ACSL1: variants seen among roughly 807,000 people sequenced by gnomAD.
ACSL1 encodes the protein long-chain-fatty-acid--CoA ligase 1.
Under a neutral mutation model 98.4 loss-of-function variants are expected in ACSL1, and 41 were observed. The observed-to-expected ratio is 0.42, with a 90% CI of 0.32 to 0.54. The LOEUF is 0.54. Among genes scored for constraint, ACSL1 ranks in the 20% least tolerant of loss-of-function variants. The probability of loss-of-function intolerance (pLI) is 0.13; values close to 1 mark genes in which losing one functional copy is unlikely to be tolerated. For synonymous variants in ACSL1, 316 were observed against 322.7 expected (o/e 0.98, Z 0.22); for missense variants, 734 against 883.1 (o/e 0.83, Z 2.14).
chr4:184,796,119 T>C (rs1007763621), intron 2 of ACSL1, among the ~76,000 whole-genome samples: 4 of 152,334 alleles, frequency 2.6e-5, no homozygotes, highest in South Asian at 4.1e-4. Context: ...GCTGCCAGCA[T>C]GGCCAAAATT....
chr4:184,757,043 T>C lies in ACSL1; in HGVS notation c.*82A>G, dbSNP rs1579819855. 1 of 1,458,302 alleles carries C rather than the reference T, an allele frequency of 6.9e-7. No individual in the cohort carries two copies. 90.3% of individuals were successfully genotyped at this position (1,458,302 alleles called of 1,614,324 possible). ...CGCTTCCTTCCCTACACTTGCTGTA[T>C]TCAAAATTAACAACATGAAGGCCAT... On this transcript the variant is annotated 3_prime_UTR_variant, in exon 21 of 21. Transcript: ENST00000281455. The surrounding 1 kb of genome is among the most constrained non-coding windows in gnomAD (Gnocchi z 4.5).
intron 12 of ACSL1, among the ~76,000 whole-genome samples, chr4:184,767,807 A>G (rs1286527731): frequency 6.6e-6 from 1 of 152,234 alleles, no homozygotes; most frequent in African/African-American, 2.4e-5. Flanking sequence ...CGGTCCACGC[A>G]ATGATACCCA....
At chr4:184,795,568 ACT>A (rs1769213555) in intron 2 of ACSL1, among the ~76,000 whole-genome samples, 1 of 151,858 alleles carries the variant, frequency 6.6e-6, no homozygotes, top group South Asian at 2.1e-4. Flanking sequence ...GGCACTTAAT[ACT>A]CCTGTGGCCT....
chr4:184,765,109 C>T (rs1351660059), intron 14 of ACSL1, among the ~76,000 whole-genome samples, 184 bp from the exon 15 acceptor site: 1 of 152,178 alleles, frequency 6.6e-6, no homozygotes, highest in African/African-American at 2.4e-5. Context: ...CCAGCCGTCA[C>T]CCAGGTACAC....
chr4:184,757,837 C>A lies in ACSL1; in HGVS notation c.1866G>T (p.Glu622Asp), dbSNP rs754655474. 10 of 1,614,052 alleles carry A rather than the reference C, an allele frequency of 6.2e-6. No individual in the cohort carries two copies. Among genetic ancestry groups the A allele is most frequent in the Admixed American group, 3.3e-5 (2 of 60,006 alleles). ...AQKRGFEGSF[E>D]ELCRNKDVKK... is the part of the protein sequence containing the mutation. ...ACCTTACCTTATTTCTGCACAGTTC[C>A]TCAAACGACCCTTCAAATCCTCTCT... Residue 622 changes from glutamate (E) to aspartate (D), a missense_variant, in exon 19 of 21, where the codon GAG (glutamate) becomes GAT (aspartate). Glu to Asp is a conservative substitution (Grantham distance 45). Transcript: ENST00000281455. This position sits in a 1 kb window ranked among gnomAD's most constrained non-coding sequence, Gnocchi z 4.5.
chr4:184,817,310 A>G (rs1029836206), intron 1 of ACSL1, among the ~76,000 whole-genome samples: 10 of 152,194 alleles, frequency 6.6e-5, no homozygotes, highest in African/African-American at 1.4e-4. Flanking sequence ...AAATAAATGC[A>G]CCCCTCACAT....
intron 1 of ACSL1, among the ~76,000 whole-genome samples, chr4:184,818,981 C>G (rs2150498336): frequency 6.6e-6 from 1 of 152,142 alleles, no homozygotes; most frequent in South Asian, 2.1e-4. Context: ...ATTTTAACCA[C>G]TAGCATGATC....
At chr4:184,769,369 A>T (rs1764149148) in intron 11 of ACSL1, among the ~76,000 whole-genome samples, 1 of 152,206 alleles carries the variant, frequency 6.6e-6, no homozygotes, top group Non-Finnish European at 1.5e-5. Flanking sequence ...TTTAAAATTT[A>T]AAAAGAAAAG....
At chr4:184,785,695 T>C (rs1420664876) in intron 3 of ACSL1, among the ~76,000 whole-genome samples, 2 of 150,226 alleles carry the variant, frequency 1.3e-5, no homozygotes, top group African/African-American at 2.4e-5. Context: ...CATACTTTCC[T>C]TCACCTTCTC....
chr4:184,820,696 C>G (rs1773000867), intron 1 of ACSL1, among the ~76,000 whole-genome samples: 1 of 152,152 alleles, frequency 6.6e-6, no homozygotes, highest in Non-Finnish European at 1.5e-5. Flanking sequence ...CCTCCGCCTC[C>G]TGGGTTCATG....
intron 3 of ACSL1, among the ~76,000 whole-genome samples, chr4:184,784,903 C>T (rs922379086): frequency 6.6e-6 from 1 of 152,234 alleles, no homozygotes; most frequent in Admixed American, 6.5e-5. Flanking sequence ...GACCCTCTCC[C>T]ATTTACAGAG....
intron 18 of ACSL1, among the ~76,000 whole-genome samples, chr4:184,760,087 C>T (rs981267405): frequency 1.3e-5 from 2 of 152,262 alleles, no homozygotes; most frequent in Non-Finnish European, 2.9e-5. Flanking sequence ...ATTACCCATG[C>T]CCCTGTCCCC....
chr4:184,764,029 G>A (rs1206076291), intron 15 of ACSL1, among the ~76,000 whole-genome samples: 1 of 152,212 alleles, frequency 6.6e-6, no homozygotes, highest in South Asian at 2.1e-4. Flanking sequence ...TTAGTGGACA[G>A]TGCTAGGTTC....
intron 1 of ACSL1, among the ~76,000 whole-genome samples, chr4:184,824,516 G>T (rs1316803405): frequency 6.6e-6 from 1 of 152,164 alleles, no homozygotes; most frequent in Non-Finnish European, 1.5e-5. Flanking sequence ...TATAAGGTGT[G>T]CGGCTAACAA....
chr4:184,795,858 C>T (rs972961520), intron 2 of ACSL1, among the ~76,000 whole-genome samples: 2 of 152,220 alleles, frequency 1.3e-5, no homozygotes, highest in Admixed American at 1.3e-4. Flanking sequence ...GAAGTTACCT[C>T]AAGGCATGAA....
chr4:184,765,819 G>T, intron 14 of ACSL1, 72 bp downstream of exon 14: 1 of 1,319,672 alleles, frequency 7.6e-7, no homozygotes, highest in Non-Finnish European at 1.1e-6. Flanking sequence ...ACACAGTACA[G>T]ATGACTTTTG....
At chr4:184,800,527 C>T (rs1013736089) in intron 2 of ACSL1, among the ~76,000 whole-genome samples, 2 of 152,218 alleles carry the variant, frequency 1.3e-5, no homozygotes, top group Non-Finnish European at 2.9e-5. Flanking sequence ...AGAAATCTTG[C>T]ATTATCTGTG....
Position 184,776,604 on chromosome 4 carries a change from A to T in ACSL1, c.636T>A (p.Gly212=). ...GGCCTGGTATTAACTTATTTTCTAC[A>T]CCCTCTAATAAGAGTTTGGCCTTCT... is the stretch of plus-strand genomic sequence containing the variant. The part of the protein sequence containing the change: ...KPEKAKLLLE[G]VENKLIPGLK... The change falls in exon 7 of 21, where the codon GGT becomes GGA. Residue 212 remains glycine, a synonymous_variant. Transcript: ENST00000281455. 1 of 1,613,936 alleles carries T rather than the reference A, an allele frequency of 6.2e-7. No homozygotes were observed. Among genetic ancestry groups the T allele is most frequent in the Non-Finnish European group, 8.5e-7 (1 of 1,180,014 alleles).
intron 2 of ACSL1, among the ~76,000 whole-genome samples, chr4:184,793,234 C>T (rs1460385614): frequency 6.6e-6 from 1 of 151,028 alleles, no homozygotes; most frequent in East Asian, 1.9e-4. Context: ...AAACCCACTA[C>T]AGTGAAATCG....
Sources: gnomAD v4.1 joint callset for allele counts (sites outside exome capture counted in the v4.1 genomes callset) on GRCh38, gnomAD v4.1.1 for gene constraint, Gnocchi (gnomAD v3.1) non-coding constraint, MANE v1.5 for transcripts, NCBI Gene and HGNC (gene_info 2026-07-23, HGNC 2026-07-21) for gene names.